Variants in ROBO1 observed in about 807,000 individuals in gnomAD.
ROBO1 encodes the protein roundabout guidance receptor 1.
In ROBO1, 149 loss-of-function variants were observed where a neutral mutation model predicts 195.9. The observed-to-expected ratio is 0.76, with a 90% CI of 0.67 to 0.87. ROBO1 has a LOEUF of 0.87. Among genes scored for constraint, ROBO1 ranks in the 40% least tolerant of loss-of-function variants. The pLI, the probability that ROBO1 is intolerant of heterozygous loss-of-function variation, is 0.00. For synonymous variants in ROBO1, 816 were observed against 733.2 expected, an observed-to-expected ratio of 1.11 and a Z score of -1.82; for missense variants, 1,933 against 2,068.3, an observed-to-expected ratio of 0.93 and a Z score of 1.27.
At chr3:79,342,730 A>G (rs934421155) in intron 2 of ROBO1, among the ~76,000 whole-genome samples, 1 of 152,152 alleles carries the variant, frequency 6.6e-6, no homozygotes, top group Non-Finnish European at 1.5e-5. Context: ...GGAATGATGA[A>G]TCAAATCTTT....
intron 3 of ROBO1, among the ~76,000 whole-genome samples, chr3:79,025,616 A>C (rs926201226): frequency 6.9e-6 from 1 of 145,030 alleles, no homozygotes; most frequent in Non-Finnish European, 1.5e-5. Flanking sequence ...TCTAATATAT[A>C]GTTCAACCAC....
At chr3:79,221,545 A>T (rs939103682) in intron 2 of ROBO1, among the ~76,000 whole-genome samples, 2 of 152,058 alleles carry the variant, frequency 1.3e-5, no homozygotes, top group African/African-American at 4.8e-5. Context: ...CATGGATCCT[A>T]CCTCAAGGCT....
chr3:78,910,510 G>A (rs2038179570), intron 4 of ROBO1, among the ~76,000 whole-genome samples: 1 of 151,866 alleles, frequency 6.6e-6, no homozygotes, highest in Non-Finnish European at 1.5e-5. Flanking sequence ...ATGATAATAT[G>A]AAATGTCATC....
At chr3:78,663,639 T>C (rs112158044) in intron 14 of ROBO1, among the ~76,000 whole-genome samples, 1,765 of 152,270 alleles carry the variant, frequency 0.012, 29 homozygotes, top group African/African-American at 0.041. Context: ...TCAGTTTCCT[T>C]ATGCTTCAGA....
At position 78,786,266 on chromosome 3, in the gene ROBO1, T is replaced by C. The variant is rs547696725; in HGVS notation, c.500-39366A>G. 5.3e-5 allele frequency among the ~76,000 whole-genome samples: 8 copies of C among 152,292 alleles called. No individual in the cohort carries two copies. The East Asian group carries it at 1.5e-3, about 29-fold the overall frequency. ...GACTTCTTATTACCATGGCTACTTA[T>C]ATTATATAACCAAGTTTAATATGAG... On this transcript the variant is annotated intron_variant, in intron 4 of 30. Coordinates refer to ENST00000464233, the MANE Select transcript of ROBO1 (RefSeq NM_002941.4).
intron 10 of ROBO1, among the ~76,000 whole-genome samples, chr3:78,683,099 A>G (rs1258589938): frequency 6.6e-6 from 1 of 151,256 alleles, no homozygotes; most frequent in Non-Finnish European, 1.5e-5. Context: ...TTTTACCACC[A>G]GATACAATGT....
rs375720472 is a variant in ROBO1 at position 78,897,688 on chromosome 3, T to A, written c.499+40913A>T. 9.9e-5 allele frequency among the ~76,000 whole-genome samples: 15 copies of A among 152,224 alleles called. No individual in the cohort carries two copies. In the East Asian group the frequency reaches 1.5e-3, roughly 16 times the overall value. On this transcript the variant is annotated intron_variant, in intron 4 of 30. Transcript: ENST00000464233. ...AAGCTAATTATTTTTAAAAGAAAAT[T>A]ATAAAGGGAATCAACATTTATAACA...
chr3:79,290,143 A>T lies in ROBO1; in HGVS notation c.89-164604T>A, dbSNP rs1331498472. Among the ~76,000 whole-genome samples the T allele has an allele frequency of 2.0e-5, 3 of 151,860 alleles. No individual in the cohort carries two copies. In the East Asian group the frequency reaches 5.8e-4, roughly 29 times the overall value. On this transcript the variant is annotated intron_variant, in intron 2 of 30. Transcript: ENST00000464233. ...AAGCTCCGCCTCCCGGATTCAAGTG[A>T]TTCTCCTGCCTCAGCCTCCCTAGTA...
At chr3:79,503,337 C>T (rs763691348) in intron 2 of ROBO1, among the ~76,000 whole-genome samples, 3 of 152,142 alleles carry the variant, frequency 2.0e-5, no homozygotes, top group Admixed American at 2.0e-4. Flanking sequence ...ATGGGAACAT[C>T]AGAAGAAACA....
At chr3:79,361,530 AT>A (rs2035770299) in intron 2 of ROBO1, among the ~76,000 whole-genome samples, 1 of 151,382 alleles carries the variant, frequency 6.6e-6, no homozygotes, top group Non-Finnish European at 1.5e-5. Context: ...TTAAATAACG[AT>A]TTAATACCAG....
At chr3:78,635,690 A>T in intron 23 of ROBO1, 83 bp downstream of exon 23, 2 of 1,178,586 alleles carry the variant, frequency 1.7e-6, no homozygotes, top group Non-Finnish European at 2.4e-6. Context: ...TTTACTTGCT[A>T]GTCGCAGACA....
At chr3:79,610,669 G>T (rs1021451554) in intron 1 of ROBO1, among the ~76,000 whole-genome samples, 2 of 151,944 alleles carry the variant, frequency 1.3e-5, no homozygotes, top group Admixed American at 6.6e-5. Context: ...TCAGATTCTT[G>T]CTGTGGAAAG....
chr3:79,443,510 T>C (rs2039129811), intron 2 of ROBO1, among the ~76,000 whole-genome samples: 2 of 152,178 alleles, frequency 1.3e-5, no homozygotes, highest in Non-Finnish European at 2.9e-5. Flanking sequence ...GGATGAGTGC[T>C]TCTTGAAAAT....
intron 3 of ROBO1, among the ~76,000 whole-genome samples, chr3:78,955,068 C>T (rs1188818998): frequency 2.1e-5 from 3 of 144,814 alleles, no homozygotes; most frequent in African/African-American, 5.2e-5. Flanking sequence ...TATAGGTAAA[C>T]TGTGTGTCAT....
At chr3:79,740,220 T>C (rs1397633005) in intron 1 of ROBO1, among the ~76,000 whole-genome samples, 1 of 85,688 alleles carries the variant, frequency 1.2e-5, no homozygotes, top group African/African-American at 4.4e-5. Flanking sequence ...TATTTATATA[T>C]ATAAATTTAT....
chr3:79,289,015 C>T (rs1483943066), intron 2 of ROBO1, among the ~76,000 whole-genome samples: 2 of 151,672 alleles, frequency 1.3e-5, no homozygotes, highest in African/African-American at 4.8e-5. Context: ...CAATGAAATG[C>T]AAGAGACTAC....
At chr3:79,489,119 T>A (rs938670644) in intron 2 of ROBO1, among the ~76,000 whole-genome samples, 3 of 151,134 alleles carry the variant, frequency 2.0e-5, no homozygotes, top group Non-Finnish European at 4.4e-5. Flanking sequence ...CATATATATA[T>A]ATATATAAAA....
intron 2 of ROBO1, among the ~76,000 whole-genome samples, chr3:79,534,334 A>G (rs964482465): frequency 3.3e-5 from 5 of 152,088 alleles, no homozygotes; most frequent in Admixed American, 2.0e-4. Flanking sequence ...CTACTGAAAT[A>G]GAAAACGAAT....
chr3:79,615,540 C>T (rs553279826), intron 1 of ROBO1, among the ~76,000 whole-genome samples: 15 of 151,998 alleles, frequency 9.9e-5, no homozygotes, highest in Non-Finnish European at 1.5e-4. Flanking sequence ...GAGATCTGTC[C>T]GAAATAATTT....
Sources: allele counts gnomAD v4.1 joint callset (sites outside exome capture counted in the v4.1 genomes callset), GRCh38; gene constraint gnomAD v4.1.1; transcripts MANE v1.5; gene names NCBI Gene and HGNC (gene_info 2026-07-23, HGNC 2026-07-21).